The following OPRM1 variants were observed in gnomAD, a reference collection of about 807,000 sequenced individuals.
OPRM1 encodes opioid receptor mu 1.
Under a neutral mutation model 31.8 loss-of-function variants are expected in OPRM1, and 27 were observed. The ratio of observed to expected loss-of-function variants is 0.85; its 90% CI spans 0.63 to 1.17. OPRM1 has a LOEUF of 1.17. OPRM1 is among the 50% of genes most tolerant of loss of function. The pLI is 0.00. For missense variants in OPRM1, 536 were observed against 511.1 expected, an observed-to-expected ratio of 1.05 and a Z score of -0.47; for synonymous variants, 196 against 189.9, an observed-to-expected ratio of 1.03 and a Z score of -0.26.
At chr6:154,231,586 T>C (rs1779724625) in intron 3 of OPRM1, among the ~76,000 whole-genome samples, 1 of 152,170 alleles carries the variant, frequency 6.6e-6, no homozygotes, top group African/African-American at 2.4e-5. Flanking sequence ...CTCTAGGACA[T>C]AGTGAGAGAA....
At chr6:154,112,674 G>C (rs1471602157) in intron 3 of OPRM1, among the ~76,000 whole-genome samples, 2 of 152,210 alleles carry the variant, frequency 1.3e-5, no homozygotes, top group Non-Finnish European at 2.9e-5. Context: ...AGCTCAGTCA[G>C]TAAGAATGGG....
At chr6:154,211,243 C>T (rs1025420313) in intron 3 of OPRM1, among the ~76,000 whole-genome samples, 2 of 151,864 alleles carry the variant, frequency 1.3e-5, no homozygotes, top group African/African-American at 4.8e-5. Flanking sequence ...GGTGAAATCC[C>T]GTCTCTACTA....
Position 154,130,371 on chromosome 6 carries a change from C to T in OPRM1, c.*11650C>T, listed in dbSNP as rs641457. Among the ~76,000 whole-genome samples the T allele has an allele frequency of 0.91, 137,460 of 151,868 alleles. 62,254 individuals are homozygous for T. The highest frequency in any genetic ancestry group is 0.98 in the East Asian group (5,071 of 5,158). ...TTTTAGTAGAGATGGGGTTTCACCA[C>T]GTTAGCCAGGATGGTTTCGATCTCC... On this transcript the variant is annotated 3_prime_UTR_variant, in exon 4 of 4. Transcript: ENST00000330432.
chr6:154,214,065 T>C (rs904755210), intron 3 of OPRM1, among the ~76,000 whole-genome samples: 3 of 152,238 alleles, frequency 2.0e-5, no homozygotes, highest in African/African-American at 4.8e-5. Flanking sequence ...TGTGTGAATA[T>C]GTCTGTCTCC....
chr6:154,084,842 G>A (rs374972682), intron 1 of OPRM1, among the ~76,000 whole-genome samples: 2 of 151,754 alleles, frequency 1.3e-5, no homozygotes, highest in East Asian at 1.9e-4. Flanking sequence ...AAACTCTTCC[G>A]TCCATCACCA....
chr6:154,046,318 G>T (rs1781103778), intron 1 of OPRM1, among the ~76,000 whole-genome samples: 2 of 151,998 alleles, frequency 1.3e-5, no homozygotes, highest in Non-Finnish European at 2.9e-5. Flanking sequence ...AGAGAGAGTG[G>T]GCACCAGTCA....
intron 1 of OPRM1, among the ~76,000 whole-genome samples, chr6:154,016,362 G>A (rs1039728382): frequency 6.6e-6 from 1 of 152,114 alleles, no homozygotes; most frequent in Non-Finnish European, 1.5e-5. Flanking sequence ...TACACAAAAA[G>A]CATAAGAAAG....
At chr6:154,214,241 TGATG>T in intron 3 of OPRM1, 1 of 1,610,906 alleles carries the variant, frequency 6.2e-7, no homozygotes, top group Non-Finnish European at 8.5e-7. Context: ...AGTGGATTCC[TGATG>T]GATTACAGCC....
intron 3 of OPRM1, chr6:154,246,667 C>T (rs1375854694): frequency 6.2e-7 from 1 of 1,614,100 alleles, no homozygotes; most frequent in South Asian, 1.1e-5. Context: ...GCTTAGGAAA[C>T]TTCCCTTTTC....
chr6:154,109,792 C>CTGTGTG (rs377400514), intron 3 of OPRM1, among the ~76,000 whole-genome samples: 32 of 101,278 alleles, frequency 3.2e-4, no homozygotes, highest in African/African-American at 9.1e-4. Context: ...CTCTCTCTCT[C>CTGTGTG]TGTGTGTGTG....
intron 3 of OPRM1, among the ~76,000 whole-genome samples, chr6:154,167,022 C>T (rs1799493450): frequency 6.6e-6 from 1 of 152,144 alleles, no homozygotes; most frequent in Non-Finnish European, 1.5e-5. Context: ...TACTGACTAA[C>T]TGGGACGCCT....
intron 3 of OPRM1, among the ~76,000 whole-genome samples, chr6:154,221,862 A>G (rs1778893669): frequency 1.3e-5 from 2 of 152,228 alleles, no homozygotes; most frequent in East Asian, 3.8e-4. Context: ...TGACAGAGGA[A>G]GACTCCGTCT....
chr6:154,079,215 G>A (rs965753291), intron 1 of OPRM1, among the ~76,000 whole-genome samples: 1 of 152,250 alleles, frequency 6.6e-6, no homozygotes, highest in Non-Finnish European at 1.5e-5. Flanking sequence ...ACATTTCACA[G>A]GGTGCCCCAG....
chr6:154,115,444 G>A (rs544899179), intron 3 of OPRM1, among the ~76,000 whole-genome samples: 1 of 152,324 alleles, frequency 6.6e-6, no homozygotes, highest in South Asian at 2.1e-4. Flanking sequence ...GGAGACTGAG[G>A]TGGGAGAATT....
At chr6:154,091,922 C>T (rs915480093) in intron 3 of OPRM1, 1 of 987,344 alleles carries the variant, frequency 1.0e-6, no homozygotes. Context: ...CCACTGTGGT[C>T]ATGGATGCAA....
chr6:154,244,255 T>C (rs910103451), intron 3 of OPRM1, among the ~76,000 whole-genome samples: 26 of 151,822 alleles, frequency 1.7e-4, no homozygotes, highest in Non-Finnish European at 8.8e-5. Context: ...TAGCCTTTTT[T>C]CCCTCACAGT....
rs144091371 is a variant in OPRM1 at position 154,242,606 on chromosome 6, G to A, written c.1165-4087G>A. On this transcript the variant is annotated intron_variant, in intron 3 of 3. Transcript: ENST00000337049. ...AAGCATGATAGTAAGAAAAGTATAG[G>A]CCAAGTGCGGTGGCTCACATCTGTA... 1.6e-3 allele frequency among the ~76,000 whole-genome samples: 248 copies of A among 152,270 alleles called. 3 individuals are homozygous for A. The highest frequency in any genetic ancestry group is 5.8e-3 in the African/African-American group (240 of 41,534).
chr6:154,126,127 A>G lies in OPRM1; in HGVS notation c.*7406A>G, dbSNP rs1027736820. Among the ~76,000 whole-genome samples, 1 of 152,148 alleles carries G rather than the reference A, an allele frequency of 6.6e-6. No individual in the cohort carries two copies. The highest frequency in any genetic ancestry group is 2.4e-5 in the African/African-American group (1 of 41,406). ...CGGCTAGACATTTTTTGATAAATTC[A>G]CAGGGTTACAAAATACCAAACGGAA... On this transcript the variant is annotated 3_prime_UTR_variant, in exon 4 of 4. Coordinates refer to ENST00000330432, the MANE Select transcript of OPRM1 (RefSeq NM_000914.5).
chr6:154,136,902 A>G (rs541685559), downstream of OPRM1, among the ~76,000 whole-genome samples: 18 of 152,356 alleles, frequency 1.2e-4, no homozygotes, highest in South Asian at 3.7e-3. Context: ...TTGGGGATAT[A>G]AAGTGTCTTT....
Sources: gnomAD v4.1 joint callset for allele counts (sites outside exome capture counted in the v4.1 genomes callset) on GRCh38, gnomAD v4.1.1 for gene constraint, MANE v1.5 for transcripts, NCBI Gene and HGNC (gene_info 2026-07-23, HGNC 2026-07-21) for gene names.